PPL: variants seen among roughly 807,000 people sequenced by gnomAD.
The protein encoded by PPL is 190 kDa paraneoplastic pemphigus antigen.
A neutral mutation model predicts 194.4 loss-of-function variants in PPL; 198 were observed. That is an observed-to-expected ratio of 1.02 (90% CI 0.91 to 1.15). The LOEUF (loss-of-function observed/expected upper bound fraction) is 1.15, where lower values mean the gene tolerates loss of function less well. Among genes scored for constraint, PPL ranks in the 50% most tolerant of loss-of-function variants. The probability of loss-of-function intolerance (pLI) is 0.00; values close to 1 mark genes in which losing one functional copy is unlikely to be tolerated. For missense variants in PPL, 2,885 were observed against 2,294.8 expected (o/e 1.26, Z -5.25); for synonymous variants, 1,220 against 972.4 (o/e 1.25, Z -4.74).
In PPL at chr16:4,899,112, G is replaced by A. The variant is rs1014218881; in HGVS notation, c.777C>T (p.Ile259=). 3 of 1,613,776 alleles carry A rather than the reference G, an allele frequency of 1.9e-6. No homozygotes were observed. The African/African-American group carries it at 4.0e-5, about 22-fold the overall frequency. ...PSRRRQYENF[I]NRNLEAKEER... ...CCTCTTTGGCCTCCAGGTTCCGGTT[G>A]ATGAAATTCTGCAGTGGGGGGCAGT... Residue 259 remains isoleucine, a synonymous_variant, in exon 8 of 22, where the codon ATC becomes ATT. Coordinates refer to ENST00000345988, the MANE Select transcript of PPL (RefSeq NM_002705.5).
intron 4 of PPL, among the ~76,000 whole-genome samples, chr16:4,901,838 G>C (rs1283889636): frequency 2.0e-5 from 3 of 151,904 alleles, no homozygotes; most frequent in Non-Finnish European, 4.4e-5. Flanking sequence ...TACTTGGGAG[G>C]CTGAGGTGGG....
chr16:4,890,136 C>G, intron 18 of PPL, 48 bp downstream of exon 18: 3 of 1,613,104 alleles, frequency 1.9e-6, no homozygotes, highest in Non-Finnish European at 2.5e-6. Context: ...TGACCTCTGA[C>G]CCTCCCTTGC....
chr16:4,920,045 G>T (rs539692735), intron 1 of PPL, among the ~76,000 whole-genome samples: 1 of 152,140 alleles, frequency 6.6e-6, no homozygotes, highest in South Asian at 2.1e-4. Context: ...TAGCACTTTG[G>T]GAGGCCGAGG....
chr16:4,904,433 G>C (rs2088641121), intron 2 of PPL, among the ~76,000 whole-genome samples: 1 of 152,142 alleles, frequency 6.6e-6, no homozygotes, highest in Admixed American at 6.5e-5. Flanking sequence ...CCTCATGGAG[G>C]TGACTGCAAG....
chr16:4,889,241 G>GTTTTTTT (rs869094472), intron 18 of PPL, among the ~76,000 whole-genome samples, 180 bp from the exon 19 acceptor site: 7 of 66,622 alleles, frequency 1.1e-4, no homozygotes, highest in African/African-American at 4.6e-4. Flanking sequence ...TGTTGTTGTT[G>GTTTTTTT]TTTTTTTTTT....
At chr16:4,923,866 G>C (rs1353064094) in intron 1 of PPL, among the ~76,000 whole-genome samples, 1 of 152,194 alleles carries the variant, frequency 6.6e-6, no homozygotes, top group East Asian at 1.9e-4. Context: ...CGTGTCACTG[G>C]TGGGGGCCTT....
At chr16:4,890,690 C>G in intron 17 of PPL, 38 bp downstream of exon 17, 2 of 1,563,802 alleles carry the variant, frequency 1.3e-6, no homozygotes, top group Non-Finnish European at 1.7e-6. Context: ...ATCGCATTCT[C>G]AGAAAACAAA....
chr16:4,911,983 C>G (rs573974424), intron 1 of PPL, among the ~76,000 whole-genome samples: 1 of 152,342 alleles, frequency 6.6e-6, no homozygotes, highest in African/African-American at 2.4e-5. Flanking sequence ...ACCACTGGCA[C>G]CACCAGCACA....
At chr16:4,897,892 G>A in intron 8 of PPL, 122 bp from the exon 9 acceptor site, 1 of 749,844 alleles carries the variant, frequency 1.3e-6, no homozygotes, top group Non-Finnish European at 2.2e-6. Context: ...CTGTCTGGGT[G>A]TGGCTACCAC....
intron 14 of PPL, among the ~76,000 whole-genome samples, chr16:4,892,580 T>A (rs1211073871): frequency 1.3e-5 from 2 of 152,130 alleles, no homozygotes; most frequent in Admixed American, 1.3e-4. Context: ...CCCAGCAGCT[T>A]AGGAAGGGAC....
chr16:4,894,651 G>C (rs1313590193), intron 11 of PPL, 33 bp from the exon 12 acceptor site: 2 of 1,603,708 alleles, frequency 1.2e-6, no homozygotes, highest in Non-Finnish European at 1.7e-6. Flanking sequence ...TCAGGATCCC[G>C]GCAGGGCCTG....
Position 4,883,312 on chromosome 16 carries a change from G to T in PPL, c.*72C>A, listed in dbSNP as rs1348473345. The T allele has an allele frequency of 1.9e-6, 3 of 1,594,860 alleles. No individual in the cohort carries two copies. The highest frequency in any genetic ancestry group is 1.7e-5 in the Admixed American group (1 of 58,028). On this transcript the variant is annotated 3_prime_UTR_variant, in exon 22 of 22. Transcript: ENST00000345988. This position sits in a 1 kb window ranked among gnomAD's most constrained non-coding sequence, Gnocchi z 4.8. ...CCTGCACCAGGGCAAGGGAGAGGAC[G>T]ACACCAAGGAGGTCACTGCGTCGTA...
intron 2 of PPL, among the ~76,000 whole-genome samples, chr16:4,904,848 C>G (rs2088651651): frequency 6.6e-6 from 1 of 152,010 alleles, no homozygotes; most frequent in African/African-American, 2.4e-5. Flanking sequence ...AGCCAGGTGA[C>G]AGCGAGGTGG....
intron 1 of PPL, among the ~76,000 whole-genome samples, chr16:4,918,040 C>T (rs2088961172): frequency 1.3e-5 from 2 of 151,744 alleles, no homozygotes; most frequent in South Asian, 4.1e-4. Context: ...GGCCTGTAAT[C>T]CCAGCACTTT....
chr16:4,927,229 G>A (rs1233815531), intron 1 of PPL, among the ~76,000 whole-genome samples: 1 of 152,190 alleles, frequency 6.6e-6, no homozygotes, highest in Non-Finnish European at 1.5e-5. Flanking sequence ...AAATGATACA[G>A]GAAGGTTGAG....
Position 4,892,228 on chromosome 16 carries a change from GCC to G in PPL, c.1651-17_1651-16del. 6.2e-7 allele frequency: 1 copy of G among 1,603,736 alleles called. No individual in the cohort carries two copies. Among genetic ancestry groups the G allele is most frequent in the Non-Finnish European group, 8.5e-7 (1 of 1,172,408 alleles). ...TTGGTGATGTTCTGTGGGAACCAGG[GCC>G]CCTCAGTTTTGGACACAGCCAGGCA... is the stretch of plus-strand genomic sequence containing the variant. On this transcript the variant is annotated splice_polypyrimidine_tract_variant and intron_variant, in intron 14 of 21. Transcript: ENST00000345988.
intron 19 of PPL, chr16:4,888,637 T>C (rs2088257134): frequency 2.9e-6 from 1 of 347,754 alleles, no homozygotes; most frequent in African/African-American, 2.0e-5. Context: ...CCCCTTCCAC[T>C]GGACACCAGT....
chr16:4,888,218 C>T lies in PPL; in HGVS notation c.2398G>A (p.Asp800Asn), dbSNP rs1321374755. The T allele has an allele frequency of 1.9e-6, 3 of 1,583,642 alleles. No homozygotes were observed. Among genetic ancestry groups the T allele is most frequent in the African/African-American group, 1.3e-5 (1 of 74,494 alleles). ...NSQQYQQAVK[D>N]YELEAEKLRS... ...AGTTTTTCTGCTTCTAACTCATAGT[C>T]CTGCATGAGGGAGAGACATGGCAGA... Residue 800 changes from aspartate to asparagine, a missense_variant and splice_region_variant, in exon 20 of 22, where the codon GAC becomes AAC. Transcript: ENST00000345988.
chr16:4,920,345 G>GAGAGAAAGAAAGAAAGAA lies in PPL; in HGVS notation c.63-9397_63-9396insTTCTTTCTTTCTTTCTCT, dbSNP rs1427456398. On this transcript the variant is annotated intron_variant, in intron 1 of 21. Coordinates refer to ENST00000345988, the MANE Select transcript of PPL (RefSeq NM_002705.5). ...AAAGAAAGAAAGAAAGAGAGAGAGA[G>GAGAGAAAGAAAGAAAGAA]AGAAAGAAAGAAAGAAAGAAAGAAA... 5.6e-4 allele frequency among the ~76,000 whole-genome samples: 14 copies of GAGAGAAAGAAAGAAAGAA among 25,158 alleles called. 1 individual carries two copies. The highest frequency in any genetic ancestry group is 6.5e-4 in the African/African-American group (10 of 15,282). The allele number at this position is 25,158 out of a possible 152,430, so 16.5% of individuals were successfully genotyped here. A position where few individuals can be genotyped will look rare whatever the true frequency, so the allele number is the denominator to read the frequency against.
Sources: allele counts gnomAD v4.1 joint callset (sites outside exome capture counted in the v4.1 genomes callset), GRCh38; gene constraint gnomAD v4.1.1; non-coding constraint Gnocchi (gnomAD v3.1); transcripts MANE v1.5; gene names NCBI Gene and HGNC (gene_info 2026-07-23, HGNC 2026-07-21).